The following TSHZ2 variants were observed in gnomAD, a reference collection of about 807,000 sequenced individuals.
TSHZ2 encodes the protein teashirt zinc finger homeobox 2.
A neutral mutation model predicts 74.4 loss-of-function variants in TSHZ2; 21 were observed. The observed-to-expected ratio is 0.28, with a 90% CI of 0.20 to 0.41. The LOEUF (loss-of-function observed/expected upper bound fraction) is 0.41. Ranked by LOEUF, TSHZ2 falls within the 10% of genes least tolerant of loss-of-function variation. The pLI is 1.00. For missense variants in TSHZ2, 1,244 were observed against 1,293.5 expected (o/e 0.96, Z 0.59); for synonymous variants, 540 against 515.3 (o/e 1.05, Z -0.65).
chr20:53,007,208 G>A (rs1277368493), intron 1 of TSHZ2, among the ~76,000 whole-genome samples: 1 of 152,152 alleles, frequency 6.6e-6, no homozygotes, highest in Non-Finnish European at 1.5e-5. Context: ...TGGCCTGGTG[G>A]AGTAAGGAGC....
chr20:53,223,505 C>T (rs1352531070), intron 1 of TSHZ2, among the ~76,000 whole-genome samples: 3 of 152,176 alleles, frequency 2.0e-5, no homozygotes, highest in African/African-American at 7.2e-5. Context: ...GATCCTCCCA[C>T]TTCTGCCTCC....
chr20:53,349,377 T>G (rs1980557504), intron 2 of TSHZ2, among the ~76,000 whole-genome samples: 1 of 152,178 alleles, frequency 6.6e-6, no homozygotes, highest in South Asian at 2.1e-4. Context: ...AGTGGCCAAG[T>G]GAGGTGGCCC....
chr20:53,223,157 G>C (rs1321305015), intron 1 of TSHZ2, among the ~76,000 whole-genome samples: 1 of 151,608 alleles, frequency 6.6e-6, no homozygotes, highest in African/African-American at 2.4e-5. Context: ...TTGGTCAAAA[G>C]CATCTTTGTG....
intron 1 of TSHZ2, among the ~76,000 whole-genome samples, chr20:53,183,977 C>T (rs552230284): frequency 6.6e-6 from 1 of 152,238 alleles, no homozygotes; most frequent in South Asian, 2.1e-4. Context: ...GGGAGTCCTG[C>T]CTGGCAGCAC....
chr20:52,996,612 T>C (rs1389572697), intron 1 of TSHZ2, among the ~76,000 whole-genome samples: 1 of 152,084 alleles, frequency 6.6e-6, no homozygotes, highest in Non-Finnish European at 1.5e-5. Context: ...ACTGGTTGGA[T>C]TGCAATTTGC....
At chr20:53,393,109 C>A (rs762220502) in intron 2 of TSHZ2, among the ~76,000 whole-genome samples, 1 of 152,180 alleles carries the variant, frequency 6.6e-6, no homozygotes, top group Non-Finnish European at 1.5e-5. Flanking sequence ...GGATTACAGG[C>A]AAGCCACCAC....
At chr20:53,275,149 A>G (rs1391018316) in intron 2 of TSHZ2, among the ~76,000 whole-genome samples, 1 of 152,146 alleles carries the variant, frequency 6.6e-6, no homozygotes, top group Non-Finnish European at 1.5e-5. Flanking sequence ...GACAAGTGCA[A>G]ATGAACTGGA....
chr20:53,040,142 G>A (rs145170271), intron 1 of TSHZ2, among the ~76,000 whole-genome samples: 2 of 152,280 alleles, frequency 1.3e-5, no homozygotes, highest in African/African-American at 4.8e-5. Flanking sequence ...TAGGACCTCA[G>A]GGAGAGATGC....
At chr20:52,986,401 CAAAAAAA>C (rs34991984) in intron 1 of TSHZ2, among the ~76,000 whole-genome samples, 82 of 120,794 alleles carry the variant, frequency 6.8e-4, no homozygotes, top group Non-Finnish European at 8.8e-4. Flanking sequence ...AAGAATCCAT[CAAAAAAA>C]AAAAAAAAAA....
At chr20:53,190,126 TATATA>T (rs1988700085) in intron 1 of TSHZ2, among the ~76,000 whole-genome samples, 1 of 99,396 alleles carries the variant, frequency 1.0e-5, no homozygotes, top group African/African-American at 3.9e-5. Context: ...TATATATATA[TATATA>T]TATATATTTT....
At chr20:53,280,175 C>T (rs535194920) in intron 2 of TSHZ2, among the ~76,000 whole-genome samples, 1 of 152,270 alleles carries the variant, frequency 6.6e-6, no homozygotes, top group East Asian at 1.9e-4. Flanking sequence ...TGTACCTTTC[C>T]TTCCTTATCA....
intron 2 of TSHZ2, among the ~76,000 whole-genome samples, chr20:53,273,678 G>A (rs1362484297): frequency 6.6e-6 from 1 of 152,218 alleles, no homozygotes; most frequent in African/African-American, 2.4e-5. Context: ...CAAGGAGGCT[G>A]TTGGGAGACC....
chr20:53,255,168 T>A lies in TSHZ2; in HGVS notation c.1710T>A (p.Asn570Lys), dbSNP rs2030016952. 1.2e-6 allele frequency: 2 copies of A among 1,614,144 alleles called. No homozygotes were observed. Among genetic ancestry groups the A allele is most frequent in the Non-Finnish European group, 1.7e-6 (2 of 1,180,032 alleles). ...MGSQVLQIRP[N>K]LTNKLRPIAP... ...CCCAGGTACTGCAGATCCGGCCTAATCTCACCAACAAGCTGAGGCCCATTG... is the reference window on the plus strand; with the variant it reads ...CCCAGGTACTGCAGATCCGGCCTAAACTCACCAACAAGCTGAGGCCCATTG... The change falls in exon 2 of 3, where the codon AAT (asparagine) becomes AAA (lysine). Residue 570 changes from asparagine to lysine, a missense_variant. Transcript: ENST00000371497. The surrounding 1 kb of genome is among the most constrained non-coding windows in gnomAD (Gnocchi z 4.1).
At chr20:53,203,511 G>T (rs1361125411) in intron 1 of TSHZ2, among the ~76,000 whole-genome samples, 1 of 151,950 alleles carries the variant, frequency 6.6e-6, no homozygotes, top group Non-Finnish European at 1.5e-5. Flanking sequence ...AAACTCATAG[G>T]TCTACAGGGG....
chr20:53,084,840 T>C (rs573593832), intron 1 of TSHZ2, among the ~76,000 whole-genome samples: 102 of 152,110 alleles, frequency 6.7e-4, no homozygotes, highest in African/African-American at 2.3e-3. Flanking sequence ...AACCAAGGCT[T>C]GAACTAACAT....
At chr20:53,181,696 G>A (rs1172963736) in intron 1 of TSHZ2, among the ~76,000 whole-genome samples, 1 of 152,150 alleles carries the variant, frequency 6.6e-6, no homozygotes, top group Non-Finnish European at 1.5e-5. Context: ...AGACCATCCT[G>A]GCTAACACAG....
intron 1 of TSHZ2, among the ~76,000 whole-genome samples, chr20:53,145,726 C>T (rs1344746345): frequency 1.3e-5 from 2 of 152,178 alleles, no homozygotes; most frequent in African/African-American, 4.8e-5. Context: ...TTCCAGCTTG[C>T]CCTGTATGGG....
intron 2 of TSHZ2, among the ~76,000 whole-genome samples, chr20:53,435,173 A>T (rs1296271417): frequency 1.3e-5 from 2 of 152,176 alleles, no homozygotes; most frequent in Non-Finnish European, 2.9e-5. Flanking sequence ...ATAAGGAACA[A>T]TTTTATTTCT....
At chr20:53,155,052 A>ATTT (rs11475183) in intron 1 of TSHZ2, among the ~76,000 whole-genome samples, 4 of 118,094 alleles carry the variant, frequency 3.4e-5, no homozygotes, top group African/African-American at 1.3e-4. Flanking sequence ...TTGAATATGC[A>ATTT]TTTTTTTTTT....
Sources: allele counts gnomAD v4.1 joint callset (sites outside exome capture counted in the v4.1 genomes callset), GRCh38; gene constraint gnomAD v4.1.1; non-coding constraint Gnocchi (gnomAD v3.1); transcripts MANE v1.5; gene names NCBI Gene and HGNC (gene_info 2026-07-23, HGNC 2026-07-21).